The following CNTNAP2 variants were observed in gnomAD, a reference collection of about 807,000 sequenced individuals.
CNTNAP2 encodes the protein contactin associated protein 2.
In CNTNAP2, 98 loss-of-function variants were observed where a neutral mutation model predicts 155.2. The observed-to-expected ratio is 0.63, with a 90% confidence interval of 0.54 to 0.75. The LOEUF is 0.75. Among genes scored for constraint, CNTNAP2 ranks in the 30% least tolerant of loss-of-function variants. The pLI, the probability that CNTNAP2 is intolerant of heterozygous loss-of-function variation, is 0.00. For synonymous variants in CNTNAP2, 651 were observed against 631.2 expected (o/e 1.03, Z -0.47); for missense variants, 1,727 against 1,688.1 (o/e 1.02, Z -0.40).
At chr7:147,662,095 A>T (rs1161428409) in intron 13 of CNTNAP2, among the ~76,000 whole-genome samples, 1 of 152,186 alleles carries the variant, frequency 6.6e-6, no homozygotes, top group Non-Finnish European at 1.5e-5. Context: ...AGAACATTTA[A>T]TACCACTTTT....
At chr7:146,954,643 TTTTG>T (rs1284759548) in intron 3 of CNTNAP2, among the ~76,000 whole-genome samples, 1 of 151,924 alleles carries the variant, frequency 6.6e-6, no homozygotes, top group Non-Finnish European at 1.5e-5. Flanking sequence ...TTCTATATCT[TTTTG>T]TTTTTTTGCA....
intron 3 of CNTNAP2, among the ~76,000 whole-genome samples, chr7:146,855,839 A>G (rs1460590276): frequency 1.9e-5 from 2 of 103,508 alleles, no homozygotes; most frequent in South Asian, 2.9e-4. Context: ...ATATATATAT[A>G]TATATATATA....
At chr7:146,425,176 T>C (rs1025021834) in intron 1 of CNTNAP2, among the ~76,000 whole-genome samples, 1 of 152,316 alleles carries the variant, frequency 6.6e-6, no homozygotes, top group Middle Eastern at 3.4e-3. Flanking sequence ...TTTACCTTTG[T>C]ATTCATTTGG....
At chr7:146,419,317 A>AG (rs1326025066) in intron 1 of CNTNAP2, among the ~76,000 whole-genome samples, 2 of 152,088 alleles carry the variant, frequency 1.3e-5, no homozygotes, top group African/African-American at 4.8e-5. Flanking sequence ...ATCTCCCACC[A>AG]GGTCCCTCCC....
At chr7:146,971,044 C>T (rs962805830) in intron 3 of CNTNAP2, among the ~76,000 whole-genome samples, 1 of 152,086 alleles carries the variant, frequency 6.6e-6, no homozygotes, top group East Asian at 1.9e-4. Flanking sequence ...GGGAACATCA[C>T]ACTCTGCAGA....
intron 3 of CNTNAP2, among the ~76,000 whole-genome samples, chr7:146,950,004 T>G (rs1797275831): frequency 1.3e-5 from 2 of 152,174 alleles, no homozygotes; most frequent in African/African-American, 4.8e-5. Flanking sequence ...AGGAAATGAT[T>G]AATATGATTC....
chr7:147,040,299 T>C (rs1282319940), intron 3 of CNTNAP2, among the ~76,000 whole-genome samples: 1 of 151,902 alleles, frequency 6.6e-6, no homozygotes, highest in African/African-American at 2.4e-5. Context: ...ATCTCCTGAG[T>C]GAATGAAAGG....
At chr7:148,222,898 G>T (rs1477489091) in intron 19 of CNTNAP2, among the ~76,000 whole-genome samples, 1 of 152,186 alleles carries the variant, frequency 6.6e-6, no homozygotes, top group Middle Eastern at 3.2e-3. Flanking sequence ...TTTGTCAGTT[G>T]TCTTGGGCAA....
chr7:146,961,628 T>G (rs1291915814), intron 3 of CNTNAP2, among the ~76,000 whole-genome samples: 1 of 152,072 alleles, frequency 6.6e-6, no homozygotes, highest in Non-Finnish European at 1.5e-5. Flanking sequence ...CCTGGAAAAT[T>G]TAATGAGAAA....
At chr7:147,632,344 T>C (rs1225083098) in intron 12 of CNTNAP2, among the ~76,000 whole-genome samples, 2 of 152,114 alleles carry the variant, frequency 1.3e-5, no homozygotes, top group Admixed American at 1.3e-4. Context: ...GTTCCCATGA[T>C]CCCCAACCCA....
chr7:148,288,435 T>C (rs1195782228), intron 21 of CNTNAP2, among the ~76,000 whole-genome samples: 4 of 152,088 alleles, frequency 2.6e-5, no homozygotes, highest in Admixed American at 6.6e-5. Context: ...AGCCCCATCA[T>C]AGGGACCCAC....
At chr7:147,334,552 A>G (rs903778591) in intron 9 of CNTNAP2, among the ~76,000 whole-genome samples, 4 of 152,156 alleles carry the variant, frequency 2.6e-5, no homozygotes. Context: ...GAAAAATCTC[A>G]GTGGGTTTGG....
intron 3 of CNTNAP2, among the ~76,000 whole-genome samples, chr7:146,985,188 A>G (rs139218433): frequency 3.2e-4 from 48 of 152,258 alleles, no homozygotes; most frequent in African/African-American, 1.0e-3. Context: ...AGTGCCAGCA[A>G]TAAGTATGGG....
At chr7:147,353,313 A>G (rs1796002603) in intron 9 of CNTNAP2, among the ~76,000 whole-genome samples, 1 of 151,510 alleles carries the variant, frequency 6.6e-6, no homozygotes. Context: ...CTACTCCCCG[A>G]CAGGCCCCAG....
intron 3 of CNTNAP2, among the ~76,000 whole-genome samples, chr7:146,866,821 C>A (rs192008453): frequency 6.6e-6 from 1 of 152,118 alleles, no homozygotes; most frequent in East Asian, 1.9e-4. Flanking sequence ...AGTATACTCA[C>A]ATGATGGAAA....
At chr7:146,196,763 T>A (rs71530726) in intron 1 of CNTNAP2, among the ~76,000 whole-genome samples, 16,711 of 152,168 alleles carry the variant, frequency 0.11, 1,222 homozygotes, top group Non-Finnish European at 0.17. Flanking sequence ...TATATTCACA[T>A]AGAAAGAAAC....
At chr7:147,054,399 G>C (rs961091689) in intron 4 of CNTNAP2, among the ~76,000 whole-genome samples, 2 of 152,074 alleles carry the variant, frequency 1.3e-5, no homozygotes, top group African/African-American at 4.8e-5. Flanking sequence ...ATCAGTTAGT[G>C]TATTTTCTCA....
chr7:146,860,327 T>C (rs1585126234), intron 3 of CNTNAP2, among the ~76,000 whole-genome samples: 1 of 152,130 alleles, frequency 6.6e-6, no homozygotes, highest in African/African-American at 2.4e-5. Flanking sequence ...TGCTTTCTTT[T>C]TTATCTTTTA....
chr7:147,556,660 G>A (rs1429492695), intron 11 of CNTNAP2, among the ~76,000 whole-genome samples: 1 of 152,064 alleles, frequency 6.6e-6, no homozygotes, highest in East Asian at 1.9e-4. Context: ...TCTATAATCT[G>A]GAAAAGGCAA....
Sources: gnomAD v4.1 joint callset for allele counts (sites outside exome capture counted in the v4.1 genomes callset) on GRCh38, gnomAD v4.1.1 for gene constraint, MANE v1.5 for transcripts, NCBI Gene and HGNC (gene_info 2026-07-23, HGNC 2026-07-21) for gene names.